Variants in PPP2R3A observed in about 807,000 individuals in gnomAD.
PPP2R3A encodes the protein protein phosphatase 2 regulatory subunit B''alpha.
Under a neutral mutation model 106.9 loss-of-function variants are expected in PPP2R3A, and 80 were observed. That is an observed-to-expected ratio of 0.75 (90% CI 0.62 to 0.90). The LOEUF (loss-of-function observed/expected upper bound fraction) is 0.90, where lower values mean the gene tolerates loss of function less well. Among genes scored for constraint, PPP2R3A ranks in the 40% least tolerant of loss-of-function variants. The pLI is 0.00. For missense variants in PPP2R3A, 1,386 were observed against 1,350.4 expected, an observed-to-expected ratio of 1.03 and a Z score of -0.41; for synonymous variants, 483 against 468.3, an observed-to-expected ratio of 1.03 and a Z score of -0.41.
At chr3:136,089,964 C>G (rs750049181) in intron 9 of PPP2R3A, among the ~76,000 whole-genome samples, 7 of 151,976 alleles carry the variant, frequency 4.6e-5, no homozygotes, top group Non-Finnish European at 8.8e-5. Flanking sequence ...TTTTGTATCC[C>G]GAAACTTTAA....
chr3:136,097,189 T>C (rs1467472261), intron 10 of PPP2R3A, among the ~76,000 whole-genome samples: 1 of 151,632 alleles, frequency 6.6e-6, no homozygotes, highest in Non-Finnish European at 1.5e-5. Flanking sequence ...TCAGTTACCT[T>C]TGGTAAGAAA....
At chr3:136,047,089 G>A (rs1450782241) in intron 4 of PPP2R3A, among the ~76,000 whole-genome samples, 2 of 152,206 alleles carry the variant, frequency 1.3e-5, no homozygotes, top group Admixed American at 1.3e-4. Flanking sequence ...ATGGGATTAT[G>A]TAAAGAGACC....
At chr3:136,124,370 C>G (rs2108005722) in intron 13 of PPP2R3A, among the ~76,000 whole-genome samples, 1 of 152,188 alleles carries the variant, frequency 6.6e-6, no homozygotes, top group East Asian at 1.9e-4. Flanking sequence ...ATAGTTCTAG[C>G]TGCCTGAGAG....
intron 2 of PPP2R3A, among the ~76,000 whole-genome samples, chr3:136,026,623 G>A (rs758580791): frequency 1.3e-5 from 2 of 152,080 alleles, no homozygotes; most frequent in Non-Finnish European, 2.9e-5. Context: ...GTAAATCTAT[G>A]TAAACTTGAG....
chr3:136,029,546 C>G (rs974514735), intron 3 of PPP2R3A, among the ~76,000 whole-genome samples: 1 of 151,962 alleles, frequency 6.6e-6, no homozygotes, highest in Non-Finnish European at 1.5e-5. Flanking sequence ...GGTGGGGAGC[C>G]GGAGGAACGA....
intron 1 of PPP2R3A, among the ~76,000 whole-genome samples, chr3:135,986,041 C>T (rs922609996): frequency 2.0e-5 from 3 of 151,836 alleles, no homozygotes; most frequent in East Asian, 1.9e-4. Context: ...CTGGAAGCAG[C>T]GGTGAGGAAC....
chr3:136,000,971 G>A, intron 1 of PPP2R3A, 88 bp from the exon 2 acceptor site: 1 of 390,358 alleles, frequency 2.6e-6, no homozygotes, highest in Non-Finnish European at 4.5e-6. Flanking sequence ...AAAGCGTGGT[G>A]GTTAACTGCA....
intron 5 of PPP2R3A, among the ~76,000 whole-genome samples, chr3:136,060,897 C>T: frequency 6.6e-6 from 1 of 152,054 alleles, no homozygotes; most frequent in Non-Finnish European, 1.5e-5. Flanking sequence ...TTTGTGTTTT[C>T]ACTACAAAAT....
intron 3 of PPP2R3A, among the ~76,000 whole-genome samples, chr3:136,032,627 C>T (rs1478297992): frequency 2.6e-5 from 4 of 151,900 alleles, no homozygotes; most frequent in Admixed American, 6.6e-5. Flanking sequence ...CTCTGCCTCC[C>T]GGGTTGACAC....
At chr3:135,973,852 C>T (rs1553736361) in intron 1 of PPP2R3A, among the ~76,000 whole-genome samples, 1 of 152,122 alleles carries the variant, frequency 6.6e-6, no homozygotes, top group Non-Finnish European at 1.5e-5. Flanking sequence ...TAATATAAGA[C>T]CAAACTCTCT....
chr3:136,139,469 G>T (rs1198038004), intron 13 of PPP2R3A, among the ~76,000 whole-genome samples: 2 of 152,032 alleles, frequency 1.3e-5, no homozygotes, highest in Middle Eastern at 3.2e-3. Context: ...GCCGAGGGGG[G>T]GGATCATGAG....
At chr3:136,000,445 T>G (rs1479036146) in intron 1 of PPP2R3A, among the ~76,000 whole-genome samples, 1 of 152,196 alleles carries the variant, frequency 6.6e-6, no homozygotes, top group African/African-American at 2.4e-5. Context: ...GAGAGAGAGA[T>G]ATCCACATGG....
intron 1 of PPP2R3A, among the ~76,000 whole-genome samples, chr3:135,979,506 A>G (rs1937510612): frequency 6.6e-6 from 1 of 151,924 alleles, no homozygotes. Context: ...TGGAAAAGAC[A>G]TACCGTCATC....
intron 1 of PPP2R3A, among the ~76,000 whole-genome samples, chr3:135,979,361 A>C (rs1305989969): frequency 6.6e-6 from 1 of 150,752 alleles, no homozygotes; most frequent in East Asian, 1.9e-4. Flanking sequence ...TGACAGAAGG[A>C]GACTCCATCT....
At position 136,040,972 on chromosome 3, in the gene PPP2R3A, T is replaced by C. The variant is rs1935246957; in HGVS notation, c.2366+10T>C. 6.2e-7 allele frequency: 1 copy of C among 1,609,022 alleles called. No homozygotes were observed. The highest frequency in any genetic ancestry group is 1.7e-5 in the Admixed American group (1 of 59,764). ...TTGCCATGTGGAGAAAGTAAGTATGTGAGCAGTCTCTCTGGAGCTAGGCAA... is the reference window on the plus strand; with the variant it reads ...TTGCCATGTGGAGAAAGTAAGTATGCGAGCAGTCTCTCTGGAGCTAGGCAA... On this transcript the variant is annotated intron_variant, in intron 4 of 13. Coordinates refer to ENST00000264977, the MANE Select transcript of PPP2R3A (RefSeq NM_002718.5).
chr3:136,010,417 A>ATTTTTTT (rs56962010), intron 2 of PPP2R3A, among the ~76,000 whole-genome samples: 2 of 51,004 alleles, frequency 3.9e-5, no homozygotes, highest in African/African-American at 1.9e-4. Flanking sequence ...CGCTCGGCTA[A>ATTTTTTT]TTTTTTTTTT....
intron 1 of PPP2R3A, among the ~76,000 whole-genome samples, chr3:135,999,251 G>A (rs1933521490): frequency 6.6e-6 from 1 of 152,162 alleles, no homozygotes; most frequent in South Asian, 2.1e-4. Context: ...TTCATGAGAT[G>A]GGTATTATTA....
Position 136,145,050 on chromosome 3 carries a change from G to T in PPP2R3A, c.3337G>T (p.Asp1113Tyr). 1 of 1,610,798 alleles carries T rather than the reference G, an allele frequency of 6.2e-7. No individual in the cohort carries two copies. The highest frequency in any genetic ancestry group is 8.5e-7 in the Non-Finnish European group (1 of 1,178,846). The change falls in exon 14 of 14, where the codon GAT (aspartate) becomes TAT (tyrosine). Residue 1113 changes from aspartate to tyrosine, a missense_variant. By Grantham distance (160) the Asp-to-Tyr change is radical (BLOSUM62 -3). Coordinates refer to ENST00000264977, the MANE Select transcript of PPP2R3A (RefSeq NM_002718.5). ...AQAQFQEGFEDYETDEPASPS... is the reference protein window; with the variant it reads ...AQAQFQEGFEYYETDEPASPS... ...TTTGCTTTGTTATTTCAGCTTTGAA[G>T]ATTATGAAACAGATGAACCTGCCTC...
At chr3:136,135,669 G>A (rs1938584613) in intron 13 of PPP2R3A, among the ~76,000 whole-genome samples, 1 of 152,166 alleles carries the variant, frequency 6.6e-6, no homozygotes, top group Admixed American at 6.5e-5. Context: ...TGAGGTGGTT[G>A]TGAGAATCTA....
Sources: allele counts gnomAD v4.1 joint callset (sites outside exome capture counted in the v4.1 genomes callset), GRCh38; gene constraint gnomAD v4.1.1; transcripts MANE v1.5; gene names NCBI Gene and HGNC (gene_info 2026-07-23, HGNC 2026-07-21).